BLCAP: variants seen among roughly 807,000 people sequenced by gnomAD.
BLCAP encodes the protein apoptosis inducing factor BLCAP.
In BLCAP, 1 loss-of-function variant was observed where a neutral mutation model predicts 5.7. The ratio of observed to expected loss-of-function variants is 0.18; its 90% CI spans 0.06 to 0.83. The LOEUF (loss-of-function observed/expected upper bound fraction) is 0.83. Among genes scored for constraint, BLCAP ranks in the 40% least tolerant of loss-of-function variants. The pLI is 0.71. For missense variants in BLCAP, 66 were observed against 107.6 expected, an observed-to-expected ratio of 0.61 and a Z score of 1.71; for synonymous variants, 48 against 49.4, an observed-to-expected ratio of 0.97 and a Z score of 0.11.
chr20:37,527,033 T>C (rs974861662), intron 1 of BLCAP: 13 of 152,046 alleles, frequency 8.6e-5, no homozygotes, highest in African/African-American at 3.1e-4. Flanking sequence ...GACCCCAGTC[T>C]CCCAACATTC....
At position 37,521,506 on chromosome 20, in the gene BLCAP, G is replaced by A; in HGVS notation, c.-176-2156C>T. 1 of 1,172,528 alleles carries A rather than the reference G, an allele frequency of 8.5e-7. No individual in the cohort carries two copies. The highest frequency in any genetic ancestry group is 1.3e-5 in the South Asian group (1 of 78,302). The allele number at this position is 1,172,528 out of a possible 1,614,324, so 72.6% of individuals were successfully genotyped here. A position where few individuals can be genotyped will look rare whatever the true frequency, so the allele number is the denominator to read the frequency against. ...CCGCTTCCCGGACCCGTCCTATTCC[G>A]ATTGCCGCGATCCTTGCCTGCCCAA... On this transcript the variant is annotated intron_variant, in intron 1 of 1. Coordinates refer to ENST00000373537, the MANE Select transcript of BLCAP (RefSeq NM_006698.4). This position sits in a 1 kb window ranked among gnomAD's most constrained non-coding sequence, Gnocchi z 4.5.
In BLCAP at chr20:37,521,511, C is replaced by A; in HGVS notation, c.-176-2161G>T. The A allele has an allele frequency of 8.7e-7, 1 of 1,151,168 alleles. No individual in the cohort carries two copies. Among genetic ancestry groups the A allele is most frequent in the Non-Finnish European group, 1.3e-6 (1 of 773,250 alleles). 71.3% of individuals were successfully genotyped at this position (1,151,168 alleles called of 1,614,324 possible). On this transcript the variant is annotated intron_variant, in intron 1 of 1. Transcript: ENST00000373537. This position sits in a 1 kb window ranked among gnomAD's most constrained non-coding sequence, Gnocchi z 4.5. ...TCCCGGACCCGTCCTATTCCGATTG[C>A]CGCGATCCTTGCCTGCCCAAGTGCC...
chr20:37,519,212 G>C lies in BLCAP; in HGVS notation c.-38C>G. ...GCAGGGCCTTCACCAAGGCTGCCGGGCACCGCTGCAGGAACCGACCTAATG... is the reference window on the plus strand; with the variant it reads ...GCAGGGCCTTCACCAAGGCTGCCGGCCACCGCTGCAGGAACCGACCTAATG... On this transcript the variant is annotated 5_prime_UTR_variant, in exon 2 of 2. Transcript: ENST00000373537. 1 of 1,541,610 alleles carries C rather than the reference G, an allele frequency of 6.5e-7. No individual in the cohort carries two copies. Among genetic ancestry groups the C allele is most frequent in the Non-Finnish European group, 8.8e-7 (1 of 1,141,420 alleles).
In BLCAP at chr20:37,519,283, C is replaced by A; in HGVS notation, c.-109G>T. 1 of 1,343,952 alleles carries A rather than the reference C, an allele frequency of 7.4e-7. No individual in the cohort carries two copies. Among genetic ancestry groups the A allele is most frequent in the South Asian group, 1.5e-5 (1 of 66,364 alleles). 83.3% of individuals were successfully genotyped at this position (1,343,952 alleles called of 1,614,324 possible). A position where few individuals can be genotyped will look rare whatever the true frequency, so the allele number is the denominator to read the frequency against. On this transcript the variant is annotated 5_prime_UTR_variant, in exon 2 of 2. Coordinates refer to ENST00000373537, the MANE Select transcript of BLCAP (RefSeq NM_006698.4). ...GCTGCCCTCCGCTTTCTTCAACCCTCACTCTCCAGGAGCTGAGCCGCTGTG... is the reference window on the plus strand; with the variant it reads ...GCTGCCCTCCGCTTTCTTCAACCCTAACTCTCCAGGAGCTGAGCCGCTGTG...
At position 37,521,178 on chromosome 20, in the gene BLCAP, A is replaced by G; in HGVS notation, c.-176-1828T>C. On this transcript the variant is annotated intron_variant, in intron 1 of 1. Coordinates refer to ENST00000373537, the MANE Select transcript of BLCAP (RefSeq NM_006698.4). The surrounding 1 kb of genome is among the most constrained non-coding windows in gnomAD (Gnocchi z 4.5). Reference sequence around the variant, plus strand: ...CGCCCCCAGCCACCCCTCCTCATAAACACCCCCCAAGGCGCGCATGCGCAC... The same window carrying G: ...CGCCCCCAGCCACCCCTCCTCATAAGCACCCCCCAAGGCGCGCATGCGCAC... 1.4e-6 allele frequency: 1 copy of G among 735,074 alleles called. No individual in the cohort carries two copies. Among genetic ancestry groups the G allele is most frequent in the Non-Finnish European group, 2.4e-6 (1 of 419,868 alleles). 45.5% of individuals were successfully genotyped at this position (735,074 alleles called of 1,614,324 possible). A position where few individuals can be genotyped will look rare whatever the true frequency, so the allele number is the denominator to read the frequency against.
At position 37,517,959 on chromosome 20, in the gene BLCAP, G is replaced by A. The variant is rs952801650; in HGVS notation, c.*952C>T. ...ACGTTCGATAAAGCTTCTTTAAAAG[G>A]AATATACACATGTATTTGTACACAC... On this transcript the variant is annotated 3_prime_UTR_variant, in exon 2 of 2. Coordinates refer to ENST00000373537, the MANE Select transcript of BLCAP (RefSeq NM_006698.4). The A allele has an allele frequency of 1.3e-5, 2 of 151,614 alleles. No homozygotes were observed. The highest frequency in any genetic ancestry group is 4.8e-5 in the African/African-American group (2 of 41,272). 9.4% of individuals were successfully genotyped at this position (151,614 alleles called of 1,614,324 possible).
At position 37,521,643 on chromosome 20, in the gene BLCAP, G is replaced by C. The variant is rs1212914631; in HGVS notation, c.-176-2293C>G. On this transcript the variant is annotated intron_variant, in intron 1 of 1. Coordinates refer to ENST00000373537, the MANE Select transcript of BLCAP (RefSeq NM_006698.4). This position sits in a 1 kb window ranked among gnomAD's most constrained non-coding sequence, Gnocchi z 4.5. ...AGGGAACAAAGACTCGGGGCGCGGC[G>C]GGCGACCGCTGCGGACGATCACCCA... The C allele has an allele frequency of 1.7e-5, 9 of 531,468 alleles. No homozygotes were observed. Among genetic ancestry groups the C allele is most frequent in the Non-Finnish European group, 3.0e-5 (9 of 296,362 alleles). 32.9% of individuals were successfully genotyped at this position (531,468 alleles called of 1,614,324 possible).
Position 37,521,097 on chromosome 20 carries a change from G to A in BLCAP, c.-176-1747C>T. 2 of 572,256 alleles carry A rather than the reference G, an allele frequency of 3.5e-6. No individual in the cohort carries two copies. The highest frequency in any genetic ancestry group is 5.9e-5 in the East Asian group (2 of 33,760). The allele number at this position is 572,256 out of a possible 1,614,324, so 35.4% of individuals were successfully genotyped here. On this transcript the variant is annotated intron_variant, in intron 1 of 1. Transcript: ENST00000373537. The surrounding 1 kb of genome is among the most constrained non-coding windows in gnomAD (Gnocchi z 4.5). The stretch of plus-strand genomic sequence containing the variant: ...GCTAAGATGGAACTCAGGAGGCGGG[G>A]GTCGGTATGGAAAGAGCAGATGGAT...
chr20:37,519,422 A>AAAAAAAAAAAAAAAAAC (rs2071486830), intron 1 of BLCAP, 72 bp from the exon 2 acceptor site: 2 of 211,722 alleles, frequency 9.4e-6, no homozygotes, highest in Non-Finnish European at 1.6e-5. Flanking sequence ...AAAAAAAAAA[A>AAAAAAAAAAAAAAAAAC]AGAAAAAAAA....
At position 37,521,172 on chromosome 20, in the gene BLCAP, T is replaced by C. The variant is rs1364869215; in HGVS notation, c.-176-1822A>G. ...GAGGAGCGCCCCCAGCCACCCCTCCTCATAAACACCCCCCAAGGCGCGCAT... is the reference window on the plus strand; with the variant it reads ...GAGGAGCGCCCCCAGCCACCCCTCCCCATAAACACCCCCCAAGGCGCGCAT... On this transcript the variant is annotated intron_variant, in intron 1 of 1. Coordinates refer to ENST00000373537, the MANE Select transcript of BLCAP (RefSeq NM_006698.4). The surrounding 1 kb of genome is among the most constrained non-coding windows in gnomAD (Gnocchi z 4.5). 2.7e-5 allele frequency: 19 copies of C among 715,072 alleles called. No homozygotes were observed. Among genetic ancestry groups the C allele is most frequent in the Non-Finnish European group, 4.5e-5 (18 of 404,306 alleles). 44.3% of individuals were successfully genotyped at this position (715,072 alleles called of 1,614,324 possible).
Position 37,519,136 on chromosome 20 carries a change from G to A in BLCAP, c.39C>T (p.Ile13=), listed in dbSNP as rs2071470473. ...ACAGGGCGGGGTTGAGGGGCTTGGG[G>A]ATGAGGAGGACGGGCAGCAGCCACT... ...CLQWLLPVLL[I]PKPLNPALWF... The change falls in exon 2 of 2, where the codon ATC becomes ATT. Residue 13 remains isoleucine (I), a synonymous_variant. Transcript: ENST00000373537. 6.2e-7 allele frequency: 1 copy of A among 1,604,990 alleles called. No individual in the cohort carries two copies. Among genetic ancestry groups the A allele is most frequent in the Non-Finnish European group, 8.5e-7 (1 of 1,176,278 alleles).
rs1352386432 is a variant in BLCAP at position 37,518,849 on chromosome 20, G to T, written c.*62C>A. On this transcript the variant is annotated 3_prime_UTR_variant, in exon 2 of 2. Transcript: ENST00000373537. ...GGGATTTGAAACTCCAATGCTTTAT[G>T]ACCTATGTCAATGCCTCCCCTCCCG... 3 of 1,583,298 alleles carry T rather than the reference G, an allele frequency of 1.9e-6. No individual in the cohort carries two copies. Among genetic ancestry groups the T allele is most frequent in the East Asian group, 2.2e-5 (1 of 44,700 alleles).
Position 37,518,942 on chromosome 20 carries a change from G to A in BLCAP, c.233C>T (p.Ser78Leu), listed in dbSNP as rs1384184662. ...YHCSDSPLPE[S>L]AHDPGVVGT ...GCCCACAACGCCGGGATCATGCGCC[G>A]ATTCTGGAAGCGGGGAATCGGAGCA... is the stretch of plus-strand genomic sequence containing the variant. Residue 78 changes from serine (S) to leucine (L), a missense_variant, in exon 2 of 2, where the codon TCG (serine) becomes TTG (leucine). Transcript: ENST00000373537. The A allele has an allele frequency of 1.9e-6, 3 of 1,614,096 alleles. No individual in the cohort carries two copies. Among genetic ancestry groups the A allele is most frequent in the Non-Finnish European group, 2.5e-6 (3 of 1,180,044 alleles).
At position 37,519,684 on chromosome 20, in the gene BLCAP, C is replaced by T. The variant is rs189106009; in HGVS notation, c.-176-334G>A. ...CTGCCCAGCAGAGATCATGTATCGC[C>T]TCCTGGGGCTGCAGCCCGTCCTCAA... On this transcript the variant is annotated intron_variant, in intron 1 of 1. Coordinates refer to ENST00000373537, the MANE Select transcript of BLCAP (RefSeq NM_006698.4). Among the ~76,000 whole-genome samples, 15 of 152,342 alleles carry T rather than the reference C, an allele frequency of 9.8e-5. No individual in the cohort carries two copies. The East Asian group carries it at 2.9e-3, about 30-fold the overall frequency.
At chr20:37,526,734 G>T (rs1396713173) in intron 1 of BLCAP, 1 of 152,190 alleles carries the variant, frequency 6.6e-6, no homozygotes, top group Non-Finnish European at 1.5e-5. Context: ...AATTGACCTG[G>T]TCACTGGAAA....
rs184352665 is a variant in BLCAP, at chr20:37,518,813, C to T, written c.*98G>A. Reference sequence around the variant, plus strand: ...AAGGCGCCGTCAGGAATGTGACACCCGCGAGGCTGCGGGATTTGAAACTCC... The same window carrying T: ...AAGGCGCCGTCAGGAATGTGACACCTGCGAGGCTGCGGGATTTGAAACTCC... On this transcript the variant is annotated 3_prime_UTR_variant, in exon 2 of 2. Transcript: ENST00000373537. 2.0e-6 allele frequency: 3 copies of T among 1,507,158 alleles called. No individual in the cohort carries two copies. The highest frequency in any genetic ancestry group is 2.7e-6 in the Non-Finnish European group (3 of 1,123,938). The allele number at this position is 1,507,158 out of a possible 1,614,324, so 93.4% of individuals were successfully genotyped here. A position where few individuals can be genotyped will look rare whatever the true frequency, so the allele number is the denominator to read the frequency against.
chr20:37,519,419 A>AG (rs1568682443), intron 1 of BLCAP, 69 bp from the exon 2 acceptor site: 2 of 267,198 alleles, frequency 7.5e-6, no homozygotes, highest in Admixed American at 6.6e-5. Context: ...AAAAAAAAAA[A>AG]AAAAGAAAAA....
Position 37,521,608 on chromosome 20 carries a change from C to T in BLCAP, c.-176-2258G>A, listed in dbSNP as rs1189456418. ...TCGCGCTGACCCTCCCTAGTGCGCCCGCGCCTGCCAGGGAACAAAGACTCG... is the reference window on the plus strand; with the variant it reads ...TCGCGCTGACCCTCCCTAGTGCGCCTGCGCCTGCCAGGGAACAAAGACTCG... On this transcript the variant is annotated intron_variant, in intron 1 of 1. Transcript: ENST00000373537. The surrounding 1 kb of genome is among the most constrained non-coding windows in gnomAD (Gnocchi z 4.5). 2 of 570,496 alleles carry T rather than the reference C, an allele frequency of 3.5e-6. No individual in the cohort carries two copies. The highest frequency in any genetic ancestry group is 3.1e-6 in the Non-Finnish European group (1 of 321,888). 35.3% of individuals were successfully genotyped at this position (570,496 alleles called of 1,614,324 possible).
chr20:37,522,180 CA>C (rs34619095), intron 1 of BLCAP, among the ~76,000 whole-genome samples: 6 of 104,792 alleles, frequency 5.7e-5, no homozygotes, highest in Admixed American at 2.1e-4. Context: ...AATTGCTTTA[CA>C]AAAAAAAAAA....
Sources: allele counts gnomAD v4.1 joint callset (sites outside exome capture counted in the v4.1 genomes callset), GRCh38; gene constraint gnomAD v4.1.1; non-coding constraint Gnocchi (gnomAD v3.1); transcripts MANE v1.5; gene names NCBI Gene and HGNC (gene_info 2026-07-23, HGNC 2026-07-21).